Variants in PLA2G4D observed in about 807,000 individuals in gnomAD.
PLA2G4D encodes phospholipase A2 group IVD.
In PLA2G4D, 80 loss-of-function variants were observed where a neutral mutation model predicts 94.4. The observed-to-expected ratio is 0.85, with a 90% confidence interval of 0.71 to 1.02. The LOEUF (loss-of-function observed/expected upper bound fraction) is 1.02. Ranked by LOEUF, PLA2G4D falls within the 50% of genes least tolerant of loss-of-function variation. The probability of loss-of-function intolerance (pLI) is 0.00; values close to 1 mark genes in which losing one functional copy is unlikely to be tolerated. For missense variants in PLA2G4D, 1,050 were observed against 1,034.7 expected (o/e 1.01, Z -0.20); for synonymous variants, 438 against 440.9 (o/e 0.99, Z 0.08).
chr15:42,073,116 C>T (rs1889859782), intron 13 of PLA2G4D, among the ~76,000 whole-genome samples: 1 of 152,206 alleles, frequency 6.6e-6, no homozygotes. Flanking sequence ...GATCCTCCCA[C>T]CTCAGCCTCC....
In PLA2G4D at chr15:42,082,268, A is replaced by C. The variant is rs754400200; in HGVS notation, c.783+11T>G. On this transcript the variant is annotated intron_variant, in intron 9 of 19. Transcript: ENST00000290472. ...CTTACTGGCATTTCCCATCCAGTTG[A>C]GGCCACTTACATTTGGAGCAGGAAC... 5 of 1,604,340 alleles carry C rather than the reference A, an allele frequency of 3.1e-6. No individual in the cohort carries two copies. Among genetic ancestry groups the C allele is most frequent in the Non-Finnish European group, 4.3e-6 (5 of 1,171,302 alleles).
At chr15:42,087,248 A>G (rs1468474438) in intron 3 of PLA2G4D, 52 bp downstream of exon 3, 27 of 1,609,406 alleles carry the variant, frequency 1.7e-5, no homozygotes, top group Non-Finnish European at 2.5e-6. Flanking sequence ...GAACCCTTGC[A>G]TGGGGGTCCA....
chr15:42,078,821 T>C (rs1220101354), intron 13 of PLA2G4D, among the ~76,000 whole-genome samples: 3 of 152,214 alleles, frequency 2.0e-5, no homozygotes, highest in Middle Eastern at 3.2e-3. Context: ...GTTCAGATAG[T>C]TATGTGTGGT....
At chr15:42,080,347 C>A (rs1386583492) in intron 12 of PLA2G4D, among the ~76,000 whole-genome samples, 1 of 152,130 alleles carries the variant, frequency 6.6e-6, no homozygotes, top group Admixed American at 6.5e-5. Context: ...TCCTCAAAGT[C>A]GCATTTCAAT....
In PLA2G4D at chr15:42,068,907, G is replaced by A. The variant is rs894955769; in HGVS notation, c.2265C>T (p.Gly755=). 6.2e-7 allele frequency: 1 copy of A among 1,612,758 alleles called. No homozygotes were observed. Among genetic ancestry groups the A allele is most frequent in the South Asian group, 1.1e-5 (1 of 90,990 alleles). Residue 755 remains glycine, a synonymous_variant, in exon 20 of 20, where the codon GGC becomes GGT. Transcript: ENST00000290472. ...VQRSPAELQG[G]QVDLTGATCP... is the part of the protein sequence containing the mutation. ...AGGTGGCCCCGGTGAGATCCACTTGGCCACCCTGGAGCTCTGCGGGGCTGC... is the reference window on the plus strand; with the variant it reads ...AGGTGGCCCCGGTGAGATCCACTTGACCACCCTGGAGCTCTGCGGGGCTGC...
rs1160077793 is a variant in PLA2G4D at position 42,068,719 on chromosome 15, G to C, written c.2453C>G (p.Thr818Ser). The change falls in exon 20 of 20, where the codon ACC (threonine) becomes AGC (serine). Residue 818 changes from threonine (T) to serine (S), a missense_variant. Thr to Ser is a moderately conservative substitution (Grantham distance 58). Transcript: ENST00000290472. Reference sequence around the variant, plus strand: ...TCCTGCAGCCTCTGAGCAACCTCAGGTCTGTGCCCTTGGAGGCCTCGCCTC... The same window carrying C: ...TCCTGCAGCCTCTGAGCAACCTCAGCTCTGTGCCCTTGGAGGCCTCGCCTC... ...TLEARPPRAQ[T>S] is the part of the protein sequence containing the mutation. 1.9e-6 allele frequency: 3 copies of C among 1,603,644 alleles called. No individual in the cohort carries two copies. Among genetic ancestry groups the C allele is most frequent in the Non-Finnish European group, 8.5e-7 (1 of 1,174,930 alleles).
At chr15:42,081,890 G>C (rs1890046012) in intron 9 of PLA2G4D, 56 bp from the exon 10 acceptor site, 2 of 1,579,902 alleles carry the variant, frequency 1.3e-6, no homozygotes, top group Admixed American at 3.5e-5. Context: ...AGCGGCACAT[G>C]GGTATCCCTG....
At chr15:42,079,295 C>G (rs1889986404) in intron 13 of PLA2G4D, among the ~76,000 whole-genome samples, 1 of 152,250 alleles carries the variant, frequency 6.6e-6, no homozygotes, top group South Asian at 2.1e-4. Context: ...GCTTTGTTTG[C>G]TTAACTGACT....
Position 42,094,423 on chromosome 15 carries a change from G to A in PLA2G4D, c.37C>T (p.Pro13Ser), listed in dbSNP as rs1330844785. ...SLSPGGPPGH[P>S]YQGEASTCWQ... ...TCTGCAGACACTGTTACCTGGTAAG[G>A]GTGGCCAGGTGGTCCCCCAGGTGAC... is the stretch of plus-strand genomic sequence containing the variant. The change falls in exon 1 of 20, where the codon CCT becomes TCT. Residue 13 changes from proline to serine, a missense_variant. By Grantham distance (74) the Pro-to-Ser change is moderately conservative. Transcript: ENST00000290472. 2 of 1,614,000 alleles carry A rather than the reference G, an allele frequency of 1.2e-6. No homozygotes were observed. Among genetic ancestry groups the A allele is most frequent in the African/African-American group, 1.3e-5 (1 of 74,920 alleles).
intron 3 of PLA2G4D, 141 bp from the exon 4 acceptor site, chr15:42,086,485 A>C: frequency 4.0e-6 from 3 of 759,442 alleles, no homozygotes; most frequent in Non-Finnish European, 6.3e-6. Context: ...AAAAAAAAAA[A>C]CTGTAAAACT....
At chr15:42,086,464 C>A in intron 3 of PLA2G4D, 120 bp from the exon 4 acceptor site, 5 of 911,768 alleles carry the variant, frequency 5.5e-6, no homozygotes, top group Non-Finnish European at 8.3e-6. Flanking sequence ...CACACGTCTG[C>A]GCTTCAAAAT....
chr15:42,079,231 A>G (rs1450722250), intron 13 of PLA2G4D, among the ~76,000 whole-genome samples: 1 of 152,236 alleles, frequency 6.6e-6, no homozygotes, highest in Non-Finnish European at 1.5e-5. Flanking sequence ...AGTAAATTTC[A>G]TATTGCAGGA....
At chr15:42,090,115 T>C (rs368648452) in intron 1 of PLA2G4D, among the ~76,000 whole-genome samples, 56 of 152,356 alleles carry the variant, frequency 3.7e-4, no homozygotes, top group East Asian at 3.5e-3. Flanking sequence ...ATTTAAACCC[T>C]GGCCCTGCCA....
chr15:42,077,629 A>G (rs1446556234), intron 13 of PLA2G4D, among the ~76,000 whole-genome samples: 1 of 152,256 alleles, frequency 6.6e-6, no homozygotes, highest in Non-Finnish European at 1.5e-5. Flanking sequence ...TTAGATTACA[A>G]TAGTTCCAGG....
At chr15:42,080,877 C>T in intron 12 of PLA2G4D, 120 bp downstream of exon 12, 3 of 1,311,532 alleles carry the variant, frequency 2.3e-6, no homozygotes, top group Non-Finnish European at 3.1e-6. Context: ...TGCTTGGCGC[C>T]CATCAGATCA....
intron 4 of PLA2G4D, among the ~76,000 whole-genome samples, chr15:42,085,865 C>T (rs1025193925): frequency 2.6e-5 from 4 of 152,172 alleles, no homozygotes; most frequent in Admixed American, 1.3e-4. Context: ...GGGCCCAGAC[C>T]CCCGAACTCT....
At chr15:42,087,250 G>T in intron 3 of PLA2G4D, 50 bp downstream of exon 3, 1 of 1,609,586 alleles carries the variant, frequency 6.2e-7, no homozygotes, top group Non-Finnish European at 8.5e-7. Context: ...ACCCTTGCAT[G>T]GGGGTCCAGC....
intron 4 of PLA2G4D, 151 bp downstream of exon 4, chr15:42,086,061 CT>C: frequency 4.5e-6 from 4 of 886,948 alleles, no homozygotes; most frequent in Non-Finnish European, 6.7e-6. Flanking sequence ...CTTTTCCTTG[CT>C]TATTAAAATG....
chr15:42,079,881 C>T (rs549615926), intron 12 of PLA2G4D, 122 bp from the exon 13 acceptor site: 5 of 869,170 alleles, frequency 5.8e-6, no homozygotes. Flanking sequence ...CTCTGCCGAT[C>T]TGGTAAATGG....
Sources: gnomAD v4.1 joint callset for allele counts (sites outside exome capture counted in the v4.1 genomes callset) on GRCh38, gnomAD v4.1.1 for gene constraint, MANE v1.5 for transcripts, NCBI Gene and HGNC (gene_info 2026-07-23, HGNC 2026-07-21) for gene names.